The following PCLO variants were observed in gnomAD, a reference collection of about 807,000 sequenced individuals.
The protein encoded by PCLO is piccolo presynaptic cytomatrix protein.
PCLO carries 82 observed loss-of-function variants against 427.5 expected under a neutral mutation model. The ratio of observed to expected loss-of-function variants is 0.19; its 90% CI spans 0.16 to 0.23. PCLO has a LOEUF of 0.23. Ranked by LOEUF, PCLO falls within the 10% of genes least tolerant of loss-of-function variation. The probability of loss-of-function intolerance (pLI) is 1.00; values close to 1 mark genes in which losing one functional copy is unlikely to be tolerated. For synonymous variants in PCLO, 2,357 were observed against 2,155.4 expected (o/e 1.09, Z -2.59); for missense variants, 6,239 against 6,115.9 (o/e 1.02, Z -0.67).
At position 82,956,441 on chromosome 7, in the gene PCLO, A is replaced by T. The variant is rs754394737; in HGVS notation, c.4512T>A (p.Thr1504=). 4.3e-6 allele frequency: 7 copies of T among 1,613,738 alleles called. No individual in the cohort carries two copies. The highest frequency in any genetic ancestry group is 5.9e-6 in the Non-Finnish European group (7 of 1,179,760). The change falls in exon 5 of 25, where the codon ACT becomes ACA. Residue 1504 remains threonine, a synonymous_variant. Coordinates refer to ENST00000333891, the MANE Select transcript of PCLO (RefSeq NM_033026.6). ...KEKSEFVDDI[T]TRREPYDSVE... ...CTGAATCATAAGGCTCTCTTCTAGT[A>T]GTTATGTCATCAACAAACTCAGACT...
chr7:83,161,761 T>C (rs1343033055), intron 1 of PCLO, among the ~76,000 whole-genome samples: 1 of 152,182 alleles, frequency 6.6e-6, no homozygotes, highest in Non-Finnish European at 1.5e-5. Context: ...AAACCATCTG[T>C]TTAATGCCAC....
At chr7:82,890,739 G>A (rs1423388447) in intron 9 of PCLO, among the ~76,000 whole-genome samples, 3 of 151,784 alleles carry the variant, frequency 2.0e-5, no homozygotes, top group African/African-American at 4.8e-5. Flanking sequence ...GCTTCATCTA[G>A]AGTCTGAATA....
At position 83,156,178 on chromosome 7, in the gene PCLO, C is replaced by T. The variant is rs985136721; in HGVS notation, c.463G>A (p.Gly155Ser). The T allele has an allele frequency of 6.2e-6, 10 of 1,613,402 alleles. No individual in the cohort carries two copies. The highest frequency in any genetic ancestry group is 1.3e-5 in the African/African-American group (1 of 74,850). ...KEEHKSSMMP[G>S]FLSEVNALSA... is the part of the protein sequence containing the mutation. ...AAAGCGTTAACCTCTGAGAGGAAGC[C>T]AGGCATCATACTAGACTTGTGCTCT... Residue 155 changes from glycine to serine, a missense_variant, in exon 2 of 25, where the codon GGC becomes AGC. Physicochemically the swap from Gly to Ser is moderately conservative, Grantham distance 56. Around this residue, in one of 5 missense-constraint regions of PCLO, gnomAD observed 4,677 missense variants for 4,468.4 expected, o/e 1.05. Transcript: ENST00000333891.
At chr7:82,979,376 T>C (rs1020763564) in intron 3 of PCLO, among the ~76,000 whole-genome samples, 10 of 152,210 alleles carry the variant, frequency 6.6e-5, no homozygotes, top group African/African-American at 2.4e-4. Context: ...TATGGATGCA[T>C]TTTATTTAAT....
intron 3 of PCLO, among the ~76,000 whole-genome samples, chr7:83,024,594 G>A (rs1474188433): frequency 3.3e-5 from 5 of 152,182 alleles, no homozygotes; most frequent in Non-Finnish European, 7.4e-5. Flanking sequence ...CGAACTGGGT[G>A]GAGCCCACCA....
intron 6 of PCLO, among the ~76,000 whole-genome samples, chr7:82,936,893 T>C (rs937681501): frequency 6.6e-6 from 1 of 151,802 alleles, no homozygotes; most frequent in East Asian, 1.9e-4. Flanking sequence ...GAGAAGCCCA[T>C]GACAAAAGGC....
chr7:82,854,387 A>C (rs2115866028), intron 10 of PCLO, among the ~76,000 whole-genome samples: 1 of 152,200 alleles, frequency 6.6e-6, no homozygotes. Context: ...AAAATACCAA[A>C]ATTTTACTCC....
intron 3 of PCLO, among the ~76,000 whole-genome samples, chr7:83,058,404 T>A (rs1304880009): frequency 6.6e-6 from 1 of 152,170 alleles, no homozygotes; most frequent in East Asian, 1.9e-4. Context: ...TATTACATCC[T>A]TTTAGAAGAC....
At chr7:82,865,582 T>C (rs768910317) in intron 10 of PCLO, among the ~76,000 whole-genome samples, 16 of 151,576 alleles carry the variant, frequency 1.1e-4, no homozygotes, top group Non-Finnish European at 2.4e-4. Context: ...TGTGTTAATT[T>C]AAAATAAGAT....
chr7:82,940,765 T>C (rs1391589750), intron 6 of PCLO, among the ~76,000 whole-genome samples: 5 of 144,990 alleles, frequency 3.4e-5, no homozygotes, highest in African/African-American at 1.3e-4. Flanking sequence ...CTTTTTTTTT[T>C]TTTTTTTTTT....
chr7:83,060,661 A>G (rs62458599), intron 3 of PCLO, among the ~76,000 whole-genome samples: 1,640 of 152,284 alleles, frequency 0.011, 13 homozygotes, highest in Middle Eastern at 0.041. Flanking sequence ...TTACTCAAGC[A>G]GTGGCTTCTC....
rs201204529 is a variant in PCLO, at chr7:83,131,016, TTC to T, written c.3300+3232_3300+3233del. ...TAAAATAAATATCCATTATGAGTAA[TTC>T]TGACTCATTTTGAATTTGATTACCA... On this transcript the variant is annotated intron_variant, in intron 3 of 24. Coordinates refer to ENST00000333891, the MANE Select transcript of PCLO (RefSeq NM_033026.6). Among the ~76,000 whole-genome samples, 17 of 152,336 alleles carry T rather than the reference TTC, an allele frequency of 1.1e-4. No homozygotes were observed. The East Asian group carries it at 3.3e-3, about 29-fold the overall frequency.
chr7:83,088,489 T>C (rs550389453), intron 3 of PCLO, among the ~76,000 whole-genome samples: 1 of 152,284 alleles, frequency 6.6e-6, no homozygotes, highest in African/African-American at 2.4e-5. Flanking sequence ...CTCATCCACT[T>C]CATTGTTTCT....
chr7:83,125,025 G>C (rs1469155745), intron 3 of PCLO, among the ~76,000 whole-genome samples: 3 of 152,148 alleles, frequency 2.0e-5, no homozygotes, highest in African/African-American at 7.2e-5. Context: ...CGAGGTGCTG[G>C]GATTACAGAC....
intron 10 of PCLO, among the ~76,000 whole-genome samples, chr7:82,865,143 T>C (rs1276744597): frequency 6.6e-5 from 10 of 151,854 alleles, no homozygotes; most frequent in Admixed American, 6.6e-4. Context: ...CCTACTGAGA[T>C]GCAAATTACA....
At chr7:82,812,185 C>A (rs1416659836) in intron 20 of PCLO, among the ~76,000 whole-genome samples, 1 of 151,304 alleles carries the variant, frequency 6.6e-6, no homozygotes, top group Non-Finnish European at 1.5e-5. Context: ...TTCTTAATGA[C>A]ATCTTAATGA....
chr7:83,132,685 C>A (rs1053422888), intron 3 of PCLO, among the ~76,000 whole-genome samples: 6 of 152,050 alleles, frequency 3.9e-5, no homozygotes, highest in Admixed American at 1.3e-4. Flanking sequence ...ACTACACACC[C>A]ATTTTTAAGT....
intron 3 of PCLO, among the ~76,000 whole-genome samples, chr7:82,983,984 T>A (rs1035260452): frequency 1.3e-5 from 2 of 151,932 alleles, no homozygotes; most frequent in African/African-American, 4.8e-5. Context: ...GAATTCAGCT[T>A]CATTTGACAC....
chr7:82,874,172 G>GT (rs5885317), intron 10 of PCLO, among the ~76,000 whole-genome samples: 39,504 of 147,176 alleles, frequency 0.27, 5,364 homozygotes, highest in Middle Eastern at 0.31. Context: ...GAAAACAAAG[G>GT]TTTTTTTTTT....
Sources: allele counts gnomAD v4.1 joint callset (sites outside exome capture counted in the v4.1 genomes callset), GRCh38; gene constraint gnomAD v4.1.1; regional missense constraint gnomAD v4.1.1; transcripts MANE v1.5; gene names NCBI Gene and HGNC (gene_info 2026-07-23, HGNC 2026-07-21).